The following PPIP5K1 variants were observed in gnomAD, a reference collection of about 807,000 sequenced individuals.
PPIP5K1 encodes inositol hexakisphosphate and diphosphoinositol-pentakisphosphate kinase 1.
In PPIP5K1, 6 loss-of-function variants were observed where a neutral mutation model predicts 27.7. That is an observed-to-expected ratio of 0.22 (90% confidence interval 0.12 to 0.43). PPIP5K1 has a LOEUF of 0.43. Among genes scored for constraint, PPIP5K1 ranks in the 20% least tolerant of loss-of-function variants. The pLI is 1.00. For synonymous variants in PPIP5K1, 145 were observed against 242.6 expected (o/e 0.60, Z 3.74); for missense variants, 394 against 635.4 (o/e 0.62, Z 4.08).
At chr15:43,539,385 T>G in intron 31 of PPIP5K1, 85 bp downstream of exon 31, 1 of 1,004,408 alleles carries the variant, frequency 1.0e-6, no homozygotes, top group Non-Finnish European at 1.5e-6. Context: ...CCCACCTTCT[T>G]TGACCTCATG....
intron 30 of PPIP5K1, among the ~76,000 whole-genome samples, chr15:43,541,320 C>T (rs1217984784): frequency 6.6e-6 from 1 of 152,134 alleles, no homozygotes; most frequent in Admixed American, 6.5e-5. Context: ...ACCATGCTGC[C>T]TAGGCTGATC....
At chr15:43,554,124 C>G (rs2082613884) in intron 30 of PPIP5K1, among the ~76,000 whole-genome samples, 1 of 152,128 alleles carries the variant, frequency 6.6e-6, no homozygotes, top group South Asian at 2.1e-4. Flanking sequence ...GGCAACAGAG[C>G]AAGACTCTGT....
intron 30 of PPIP5K1, among the ~76,000 whole-genome samples, chr15:43,540,742 C>T (rs1459186301): frequency 1.3e-5 from 2 of 150,994 alleles, no homozygotes; most frequent in Admixed American, 6.6e-5. Context: ...TGACTGTAAT[C>T]CCAGCTATTT....
chr15:43,549,796 C>T (rs2140830908), intron 30 of PPIP5K1, among the ~76,000 whole-genome samples: 1 of 152,158 alleles, frequency 6.6e-6, no homozygotes, highest in Admixed American at 6.5e-5. Context: ...CATGGCAAAA[C>T]CCCATCTCTA....
chr15:43,556,579 G>T (rs2082986955), intron 30 of PPIP5K1, among the ~76,000 whole-genome samples: 1 of 151,852 alleles, frequency 6.6e-6, no homozygotes, highest in South Asian at 2.1e-4. Flanking sequence ...CCAGGCACAG[G>T]TTGTTCATTT....
Position 43,533,895 on chromosome 15 carries a change from C to T in PPIP5K1, c.*779G>A, listed in dbSNP as rs138442220. The T allele has an allele frequency of 2.6e-5, 4 of 152,234 alleles. No homozygotes were observed. In the East Asian group the frequency reaches 7.7e-4, roughly 29 times the overall value. The allele number at this position is 152,234 out of a possible 1,614,324, so 9.4% of individuals were successfully genotyped here. On this transcript the variant is annotated 3_prime_UTR_variant, in exon 32 of 32. Transcript: ENST00000420765. ...TTTTAAGTAGTTGCTCTGAATTTTGCACAGCAGTCTAATACCTACTTTTCC... is the reference window on the plus strand; with the variant it reads ...TTTTAAGTAGTTGCTCTGAATTTTGTACAGCAGTCTAATACCTACTTTTCC...
chr15:43,550,383 T>C (rs1172371282), intron 30 of PPIP5K1, among the ~76,000 whole-genome samples: 1 of 152,150 alleles, frequency 6.6e-6, no homozygotes, highest in Non-Finnish European at 1.5e-5. Context: ...AGGGCTCAAG[T>C]GATCCTGCCA....
chr15:43,557,777 G>A (rs374187140), intron 30 of PPIP5K1, among the ~76,000 whole-genome samples: 4 of 147,696 alleles, frequency 2.7e-5, no homozygotes, highest in Admixed American at 1.4e-4. Context: ...TGATCCTCCC[G>A]TTTCAACATC....
intron 30 of PPIP5K1, among the ~76,000 whole-genome samples, chr15:43,544,918 C>T (rs911084909): frequency 1.1e-4 from 17 of 152,006 alleles, no homozygotes; most frequent in African/African-American, 4.1e-4. Flanking sequence ...GTGGCTCACG[C>T]CTGTAATTAC....
chr15:43,536,508 C>T (rs954408450), intron 31 of PPIP5K1, among the ~76,000 whole-genome samples: 9 of 151,992 alleles, frequency 5.9e-5, no homozygotes, highest in Non-Finnish European at 1.2e-4. Context: ...TTCTAGGGGT[C>T]AGTGGCCCCT....
At chr15:43,555,078 C>T (rs936890290) in intron 30 of PPIP5K1, among the ~76,000 whole-genome samples, 4 of 152,084 alleles carry the variant, frequency 2.6e-5, no homozygotes, top group Non-Finnish European at 4.4e-5. Context: ...CTCAAGTGGT[C>T]CACCCTCCTT....
rs1426089405 is a variant in PPIP5K1, at chr15:43,549,042, AAAAAAAAAAAAAAAATATAT to A, written c.3557-9479_3557-9460del. ...GACTCCATCTCAAAAAAAAAAAAAA[AAAAAAAAAAAAAAAATATAT>A]ATATATATATATATATATACATATA... On this transcript the variant is annotated intron_variant, in intron 30 of 31. Transcript: ENST00000420765. Among the ~76,000 whole-genome samples the A allele has an allele frequency of 5.6e-4, 51 of 91,652 alleles. 2 individuals are homozygous for A. Among genetic ancestry groups the A allele is most frequent in the African/African-American group, 3.8e-3 (48 of 12,780 alleles). The allele number at this position is 91,652 out of a possible 152,430, so 60.1% of individuals were successfully genotyped here. A position where few individuals can be genotyped will look rare whatever the true frequency, so the allele number is the denominator to read the frequency against.
chr15:43,546,629 G>GT (rs2081399116), intron 30 of PPIP5K1, among the ~76,000 whole-genome samples: 1 of 137,544 alleles, frequency 7.3e-6, no homozygotes, highest in Non-Finnish European at 1.6e-5. Context: ...ACATCTGTGT[G>GT]TATTTGTTTG....
At chr15:43,553,015 G>A (rs1485131997) in intron 30 of PPIP5K1, among the ~76,000 whole-genome samples, 1 of 152,150 alleles carries the variant, frequency 6.6e-6, no homozygotes, top group African/African-American at 2.4e-5. Context: ...CAGCCTGGAC[G>A]ACAGAGTGAG....
intron 30 of PPIP5K1, among the ~76,000 whole-genome samples, chr15:43,553,745 T>A (rs914020597): frequency 2.6e-5 from 4 of 151,392 alleles, no homozygotes; most frequent in African/African-American, 4.9e-5. Context: ...CCCGGGTTCA[T>A]GCCATTCTCC....
chr15:43,538,730 T>C (rs369260400), intron 31 of PPIP5K1, among the ~76,000 whole-genome samples: 1 of 151,710 alleles, frequency 6.6e-6, no homozygotes, highest in African/African-American at 2.4e-5. Flanking sequence ...GCCAGGATGG[T>C]CTCAATCTCC....
chr15:43,557,791 A>C lies in PPIP5K1; in HGVS notation c.3556+1004T>G, dbSNP rs368347104. Among the ~76,000 whole-genome samples, 33 of 148,406 alleles carry C rather than the reference A, an allele frequency of 2.2e-4. No individual in the cohort carries two copies. In the East Asian group the frequency reaches 4.5e-3, roughly 20 times the overall value. The stretch of plus-strand genomic sequence containing the variant: ...GTGATCCTCCCGTTTCAACATCCCA[A>C]GTAGATGAGACTACAGGCACACACC... On this transcript the variant is annotated intron_variant, in intron 30 of 31. Transcript: ENST00000420765.
intron 26 of PPIP5K1, among the ~76,000 whole-genome samples, chr15:43,567,118 G>GT (rs148202516): frequency 0.06 from 5,851 of 96,874 alleles, 777 homozygotes; most frequent in Non-Finnish European, 0.072. Flanking sequence ...GTTGTTTCGG[G>GT]TTTTTTTTTT....
At chr15:43,553,490 G>A (rs1409185203) in intron 30 of PPIP5K1, among the ~76,000 whole-genome samples, 1 of 152,036 alleles carries the variant, frequency 6.6e-6, no homozygotes, top group Non-Finnish European at 1.5e-5. Context: ...CTACAGGCAT[G>A]TGCCACCATG....
Sources: gnomAD v4.1 joint callset for allele counts (sites outside exome capture counted in the v4.1 genomes callset) on GRCh38, gnomAD v4.1.1 for gene constraint, MANE v1.5 for transcripts, NCBI Gene and HGNC (gene_info 2026-07-23, HGNC 2026-07-21) for gene names.